Variants in GARIN2 observed in about 807,000 individuals in gnomAD.
GARIN2 encodes Golgi-associated RAB2 interactor protein 2.
chr14:67,200,965 A>C, the GARIN2 span, among the ~76,000 whole-genome samples: 1 of 152,222 alleles, frequency 6.6e-6, no homozygotes, highest in African/African-American at 2.4e-5. Flanking sequence ...GCAGCAAGTT[A>C]CCAAGATTCC....
chr14:67,198,134 A>C, the GARIN2 span: 1 of 1,593,912 alleles, frequency 6.3e-7, no homozygotes, highest in Non-Finnish European at 8.5e-7. Context: ...CCATTCCCTC[A>C]GTTTTTTTAT....
the GARIN2 span, among the ~76,000 whole-genome samples, chr14:67,208,777 A>G: frequency 1.3e-5 from 2 of 151,956 alleles, no homozygotes; most frequent in African/African-American, 4.8e-5. Context: ...GGCACCTGTA[A>G]TCCCAGCTAC....
At chr14:67,199,519 T>A in the GARIN2 span, 8 of 1,612,266 alleles carry the variant, frequency 5.0e-6, no homozygotes, top group African/African-American at 1.3e-5. Flanking sequence ...CTTCATTTGA[T>A]GCTTCAGTTG....
At chr14:67,199,676 C>T in the GARIN2 span, 28 of 1,580,010 alleles carry the variant, frequency 1.8e-5, no homozygotes, top group Non-Finnish European at 2.3e-5. Context: ...CCAGCCTGAC[C>T]GCCCTCATCA....
At chr14:67,192,428 C>G in the GARIN2 span, among the ~76,000 whole-genome samples, 1 of 151,634 alleles carries the variant, frequency 6.6e-6, no homozygotes, top group African/African-American at 2.4e-5. Context: ...ATTTTTGAGT[C>G]ACCAAAGTTA....
the GARIN2 span, among the ~76,000 whole-genome samples, chr14:67,223,239 A>T: frequency 5.3e-4 from 80 of 152,136 alleles, no homozygotes; most frequent in Non-Finnish European, 9.4e-4. Context: ...ACCTCAAGTG[A>T]TCCCCCTGCC....
the GARIN2 span, chr14:67,225,237 G>A: frequency 1.3e-6 from 2 of 1,521,454 alleles, no homozygotes; most frequent in Non-Finnish European, 1.8e-6. Flanking sequence ...AGACAAAGTT[G>A]ATGGAAAAAC....
the GARIN2 span, among the ~76,000 whole-genome samples, chr14:67,190,982 C>T: frequency 1.3e-5 from 2 of 152,274 alleles, no homozygotes; most frequent in South Asian, 4.2e-4. Context: ...GCCTGTAATC[C>T]CAGCACTTTG....
chr14:67,199,016 C>A, the GARIN2 span: 1 of 711,784 alleles, frequency 1.4e-6, no homozygotes, highest in Non-Finnish European at 2.6e-6. Flanking sequence ...GGGAGGACAA[C>A]AGACACTTCA....
At chr14:67,222,684 T>A in the GARIN2 span, among the ~76,000 whole-genome samples, 1 of 152,182 alleles carries the variant, frequency 6.6e-6, no homozygotes, top group Non-Finnish European at 1.5e-5. Context: ...GTGGAGGTTG[T>A]CTTATAGGCA....
chr14:67,200,874 T>C, the GARIN2 span, among the ~76,000 whole-genome samples: 1 of 152,226 alleles, frequency 6.6e-6, no homozygotes, highest in African/African-American at 2.4e-5. Flanking sequence ...TAGCAGTCTA[T>C]AGGTCAGACG....
At chr14:67,204,523 G>A in the GARIN2 span, 1 of 1,609,026 alleles carries the variant, frequency 6.2e-7, no homozygotes, top group Non-Finnish European at 8.5e-7. Flanking sequence ...ATGTTACCGT[G>A]TGCTTGTTTG....
At chr14:67,195,173 A>G in the GARIN2 span, among the ~76,000 whole-genome samples, 1 of 152,284 alleles carries the variant, frequency 6.6e-6, no homozygotes, top group African/African-American at 2.4e-5. Context: ...TATTTAGAAC[A>G]TCACAGCAAA....
chr14:67,223,878 G>A, the GARIN2 span: 1 of 985,618 alleles, frequency 1.0e-6, no homozygotes, highest in Non-Finnish European at 1.2e-6. Context: ...CCCAAGAAAA[G>A]CAAAGACTGG....
chr14:67,225,962 T>TGTGTGTGTGTGTGCGC, the GARIN2 span, among the ~76,000 whole-genome samples: 52 of 113,512 alleles, frequency 4.6e-4, no homozygotes, highest in Admixed American at 6.8e-4. Context: ...TGTGTGTGTG[T>TGTGTGTGTGTGTGCGC]GCGCGCGCGC....
the GARIN2 span, among the ~76,000 whole-genome samples, chr14:67,209,824 A>G: frequency 1.3e-5 from 2 of 151,322 alleles, no homozygotes; most frequent in African/African-American, 2.4e-5. Context: ...TCTCGGAAAA[A>G]AAAAAAAAAA....
the GARIN2 span, chr14:67,198,063 T>A: frequency 6.9e-7 from 1 of 1,457,790 alleles, no homozygotes; most frequent in Non-Finnish European, 9.2e-7. Context: ...GCTGAATTAA[T>A]AAATAAATGA....
the GARIN2 span, chr14:67,224,114 A>G: frequency 3.0e-6 from 2 of 663,448 alleles, no homozygotes. Flanking sequence ...GCAGTTTGCG[A>G]AAGTTAAATT....
At chr14:67,202,483 T>C in the GARIN2 span, among the ~76,000 whole-genome samples, 9 of 152,158 alleles carry the variant, frequency 5.9e-5, no homozygotes, top group Admixed American at 1.3e-4. Context: ...TAAACTTACA[T>C]TATATCTAAA....
Sources: allele counts gnomAD v4.1 joint callset (sites outside exome capture counted in the v4.1 genomes callset), GRCh38; gene constraint gnomAD v4.1.1; transcripts MANE v1.5; gene names NCBI Gene and HGNC (gene_info 2026-07-23, HGNC 2026-07-21).